TMEM132D: variants seen among roughly 807,000 people sequenced by gnomAD.
TMEM132D encodes transmembrane protein 132D, also known as mature OL transmembrane protein.
Under a neutral mutation model 62.3 loss-of-function variants are expected in TMEM132D, and 21 were observed. The observed-to-expected ratio is 0.34, with a 90% CI of 0.24 to 0.49. TMEM132D has a LOEUF of 0.49. Among genes scored for constraint, TMEM132D ranks in the 20% least tolerant of loss-of-function variants. The probability of loss-of-function intolerance (pLI) is 0.99; values close to 1 mark genes in which losing one functional copy is unlikely to be tolerated. For synonymous variants in TMEM132D, 621 were observed against 575.6 expected, an observed-to-expected ratio of 1.08 and a Z score of -1.13; for missense variants, 1,346 against 1,402.8, an observed-to-expected ratio of 0.96 and a Z score of 0.65.
At chr12:129,862,109 C>T (rs1873918880) in intron 1 of TMEM132D, among the ~76,000 whole-genome samples, 1 of 152,224 alleles carries the variant, frequency 6.6e-6, no homozygotes, top group Admixed American at 6.5e-5. Context: ...AAGCTGCTGT[C>T]TCCTGTTTAG....
intron 3 of TMEM132D, among the ~76,000 whole-genome samples, chr12:129,489,590 AAAT>A (rs1566086361): frequency 1.3e-5 from 2 of 152,236 alleles, no homozygotes; most frequent in Admixed American, 6.5e-5. Flanking sequence ...TTGGCCTTTT[AAAT>A]AATGTCAGTT....
At position 129,731,141 on chromosome 12, in the gene TMEM132D, G is replaced by A. The variant is rs532930744; in HGVS notation, c.80-30443C>T. 1.1e-4 allele frequency among the ~76,000 whole-genome samples: 16 copies of A among 152,104 alleles called. No homozygotes were observed. In the South Asian group the frequency reaches 2.5e-3, roughly 24 times the overall value. ...TTTAGAGCTTTACCATTCAGTCCAC[G>A]GTAGAAGGTTTATATAATGCTTTGT... On this transcript the variant is annotated intron_variant, in intron 1 of 8. Coordinates refer to ENST00000422113, the MANE Select transcript of TMEM132D (RefSeq NM_133448.3).
chr12:129,346,503 TC>T (rs1417345195), intron 3 of TMEM132D, among the ~76,000 whole-genome samples: 1 of 152,208 alleles, frequency 6.6e-6, no homozygotes, highest in Non-Finnish European at 1.5e-5. Context: ...TGCTCTTGTT[TC>T]TCTAGTTCTT....
At chr12:129,854,222 G>A (rs1270795635) in intron 1 of TMEM132D, among the ~76,000 whole-genome samples, 4 of 152,160 alleles carry the variant, frequency 2.6e-5, no homozygotes, top group Non-Finnish European at 4.4e-5. Context: ...AGCTATCACT[G>A]AACTTTCACT....
intron 1 of TMEM132D, among the ~76,000 whole-genome samples, chr12:129,898,142 G>C (rs1187959538): frequency 1.3e-5 from 2 of 152,140 alleles, no homozygotes; most frequent in African/African-American, 2.4e-5. Context: ...CAAAACATTA[G>C]CTGGTATTAT....
intron 2 of TMEM132D, among the ~76,000 whole-genome samples, chr12:129,535,994 G>A (rs562770777): frequency 2.0e-5 from 3 of 152,104 alleles, no homozygotes; most frequent in African/African-American, 7.2e-5. Context: ...TCAGCTATCC[G>A]CAGGCTAATA....
intron 6 of TMEM132D, among the ~76,000 whole-genome samples, chr12:129,083,720 CAT>C: frequency 6.6e-6 from 1 of 152,340 alleles, no homozygotes; most frequent in East Asian, 1.9e-4. Context: ...TTCCTTGTCT[CAT>C]AATGCATATA....
intron 1 of TMEM132D, among the ~76,000 whole-genome samples, chr12:129,870,295 T>C (rs1874199148): frequency 6.6e-6 from 1 of 152,170 alleles, no homozygotes; most frequent in Non-Finnish European, 1.5e-5. Flanking sequence ...CCTGGGTTTA[T>C]GCTAAGGAGG....
At chr12:129,132,981 C>T (rs1363737996) in intron 5 of TMEM132D, among the ~76,000 whole-genome samples, 2 of 152,144 alleles carry the variant, frequency 1.3e-5, no homozygotes, top group African/African-American at 4.8e-5. Context: ...AGAGATGGCT[C>T]TCTCCTCTGA....
intron 1 of TMEM132D, among the ~76,000 whole-genome samples, chr12:129,876,857 T>C (rs145266488): frequency 2.4e-3 from 373 of 152,328 alleles, no homozygotes; most frequent in African/African-American, 8.6e-3. Flanking sequence ...TCAATCACTG[T>C]AGCCAAGTCA....
In TMEM132D at chr12:129,687,851, A is replaced by G. The variant is rs1880970013; in HGVS notation, c.968+11959T>C. Among the ~76,000 whole-genome samples the G allele has an allele frequency of 3.3e-5, 5 of 152,184 alleles. No homozygotes were observed. The South Asian group carries it at 1.0e-3, about 32-fold the overall frequency. ...CCAGAGTGAATTTCTATTGCTGAGT[A>G]ACAATGAACCACCTGTTAGGACATT... On this transcript the variant is annotated intron_variant, in intron 2 of 8. Coordinates refer to ENST00000422113, the MANE Select transcript of TMEM132D (RefSeq NM_133448.3).
chr12:129,528,280 A>G (rs146460307), intron 3 of TMEM132D, among the ~76,000 whole-genome samples: 309 of 152,336 alleles, frequency 2.0e-3, no homozygotes, highest in African/African-American at 7.0e-3. Flanking sequence ...ACGGAGCATG[A>G]TTTCTCTTTG....
At chr12:129,456,653 C>T (rs1873477484) in intron 3 of TMEM132D, among the ~76,000 whole-genome samples, 4 of 152,172 alleles carry the variant, frequency 2.6e-5, no homozygotes, top group Admixed American at 2.0e-4. Context: ...GTAACCATGT[C>T]TTCTTCATCT....
At chr12:129,352,563 A>G (rs1869904080) in intron 3 of TMEM132D, among the ~76,000 whole-genome samples, 1 of 152,126 alleles carries the variant, frequency 6.6e-6, no homozygotes, top group Admixed American at 6.5e-5. Flanking sequence ...CAAATTTACA[A>G]GAAAAAAACA....
intron 3 of TMEM132D, among the ~76,000 whole-genome samples, chr12:129,435,104 G>A (rs1427203737): frequency 6.6e-6 from 1 of 152,108 alleles, no homozygotes; most frequent in African/African-American, 2.4e-5. Flanking sequence ...ACTGACTATT[G>A]AGTCAATGTC....
intron 5 of TMEM132D, among the ~76,000 whole-genome samples, chr12:129,087,571 G>A (rs998652793): frequency 6.6e-5 from 10 of 151,880 alleles, no homozygotes; most frequent in African/African-American, 2.2e-4. Flanking sequence ...ACAAGACGCT[G>A]GAAGATGGAG....
At position 129,808,224 on chromosome 12, in the gene TMEM132D, G is replaced by A. The variant is rs564537592; in HGVS notation, c.79+95037C>T. On this transcript the variant is annotated intron_variant, in intron 1 of 8. Transcript: ENST00000422113. ...ACCATTCTCTCTCATCGTCTCTAAC[G>A]AATGAGCCCTATCCTTTATTCAAGT... is the stretch of plus-strand genomic sequence containing the variant. Among the ~76,000 whole-genome samples, 412 of 152,218 alleles carry A rather than the reference G, an allele frequency of 2.7e-3. 1 individual carries two copies. Among genetic ancestry groups the A allele is most frequent in the African/African-American group, 9.4e-3 (391 of 41,530 alleles).
chr12:129,220,426 T>C (rs937653003), intron 4 of TMEM132D, among the ~76,000 whole-genome samples: 1 of 152,214 alleles, frequency 6.6e-6, no homozygotes, highest in African/African-American at 2.4e-5. Context: ...ACAGACACTT[T>C]GCTGCCTTTC....
At chr12:129,363,901 C>T (rs1415289443) in intron 3 of TMEM132D, among the ~76,000 whole-genome samples, 1 of 152,182 alleles carries the variant, frequency 6.6e-6, no homozygotes, top group East Asian at 1.9e-4. Flanking sequence ...CAGAAAGCCA[C>T]AGGGAAAAAG....
Sources: allele counts gnomAD v4.1 joint callset (sites outside exome capture counted in the v4.1 genomes callset), GRCh38; gene constraint gnomAD v4.1.1; transcripts MANE v1.5; gene names NCBI Gene and HGNC (gene_info 2026-07-23, HGNC 2026-07-21).